Variants in MPP2 observed in about 807,000 individuals in gnomAD.
MPP2 encodes MAGUK p55 subfamily member 2.
A neutral mutation model predicts 58.5 loss-of-function variants in MPP2; 42 were observed. The observed-to-expected ratio is 0.72, with a 90% CI of 0.56 to 0.93. The LOEUF (loss-of-function observed/expected upper bound fraction) is 0.93, where lower values mean the gene tolerates loss of function less well. Among genes scored for constraint, MPP2 ranks in the 40% least tolerant of loss-of-function variants. The pLI, the probability that MPP2 is intolerant of heterozygous loss-of-function variation, is 0.00. For missense variants in MPP2, 632 were observed against 760.4 expected (o/e 0.83, Z 1.99); for synonymous variants, 300 against 307.8 (o/e 0.97, Z 0.26).
intron 3 of MPP2, among the ~76,000 whole-genome samples, chr17:43,884,862 G>A (rs2047300604): frequency 6.6e-6 from 1 of 152,152 alleles, no homozygotes; most frequent in African/African-American, 2.4e-5. Flanking sequence ...GCTCACGCCT[G>A]TAATCCCTGC....
Position 43,880,971 on chromosome 17 carries a change from C to A in MPP2, c.988+119G>T. On this transcript the variant is annotated intron_variant, in intron 9 of 12. Transcript: ENST00000269095. This position sits in a 1 kb window ranked among gnomAD's most constrained non-coding sequence, Gnocchi z 5.2. ...GGGAGCAGGGGGGAGTCGGGCAGGG[C>A]CTAGGGACACGGCTGGCAGCATCTG... 6.6e-7 allele frequency: 1 copy of A among 1,523,826 alleles called. No homozygotes were observed. Among genetic ancestry groups the A allele is most frequent in the Non-Finnish European group, 9.0e-7 (1 of 1,111,224 alleles). 94.4% of individuals were successfully genotyped at this position (1,523,826 alleles called of 1,614,324 possible).
At chr17:43,909,625 G>T (rs1016627373), upstream of MPP2, 10 of 1,466,660 alleles carry the variant, frequency 6.8e-6, no homozygotes, top group Non-Finnish European at 9.0e-6. Context: ...CCCACCTGGG[G>T]AGGTGGAGCC....
chr17:43,884,707 C>T (rs890171647), intron 3 of MPP2, among the ~76,000 whole-genome samples: 4 of 152,198 alleles, frequency 2.6e-5, no homozygotes, highest in African/African-American at 9.7e-5. Context: ...AATCCTTCAC[C>T]AATGGATTTA....
intron 2 of MPP2, among the ~76,000 whole-genome samples, chr17:43,901,722 C>G (rs375233080): frequency 3.1e-4 from 47 of 152,282 alleles, no homozygotes; most frequent in African/African-American, 1.1e-3. Flanking sequence ...GAAGAGGGAG[C>G]AAGGCTGCAG....
chr17:43,875,817 G>C lies in MPP2; in HGVS notation c.*1990C>G, dbSNP rs942083642. The C allele has an allele frequency of 6.6e-6, 1 of 152,194 alleles. No homozygotes were observed. Among genetic ancestry groups the C allele is most frequent in the East Asian group, 1.9e-4 (1 of 5,188 alleles). 9.4% of individuals were successfully genotyped at this position (152,194 alleles called of 1,614,324 possible). ...CAACCCATCTCCATCAGAGATGATG[G>C]TCATTTGGATCAAGGGGGCAGAAGC... On this transcript the variant is annotated 3_prime_UTR_variant, in exon 13 of 13. Transcript: ENST00000269095.
At chr17:43,907,248 A>G (rs902391241) in intron 1 of MPP2, 68 of 985,164 alleles carry the variant, frequency 6.9e-5, no homozygotes, top group Admixed American at 1.2e-4. Flanking sequence ...CCCCTACCGC[A>G]GGGGCGGGGA....
intron 3 of MPP2, among the ~76,000 whole-genome samples, chr17:43,883,913 C>T (rs2047255239): frequency 3.3e-5 from 5 of 152,160 alleles, no homozygotes; most frequent in Admixed American, 3.3e-4. Flanking sequence ...GGCTCCATAC[C>T]AAGGAGCGCT....
chr17:43,905,969 G>T, intron 1 of MPP2: 1 of 424,684 alleles, frequency 2.4e-6, no homozygotes, highest in Non-Finnish European at 3.1e-6. Context: ...CACCCAGGCT[G>T]GAAGAAATGC....
intron 2 of MPP2, chr17:43,900,571 G>A (rs1320771158): frequency 9.7e-6 from 15 of 1,539,332 alleles, no homozygotes; most frequent in Non-Finnish European, 1.3e-5. Flanking sequence ...CCAGACCCGG[G>A]GACTCCCGGA....
intron 2 of MPP2, chr17:43,900,373 C>A: frequency 1.4e-6 from 2 of 1,426,706 alleles, no homozygotes; most frequent in South Asian, 1.3e-5. Context: ...CTCAGATGAC[C>A]TCTCCCAGGC....
At chr17:43,906,309 C>A (rs1353215127) in intron 1 of MPP2, among the ~76,000 whole-genome samples, 1 of 152,220 alleles carries the variant, frequency 6.6e-6, no homozygotes, top group Non-Finnish European at 1.5e-5. Context: ...TCTGAGAGGG[C>A]GGGGCCTGGC....
In MPP2 at chr17:43,881,174, T is replaced by A; in HGVS notation, c.920-16A>T. 6.2e-7 allele frequency: 1 copy of A among 1,613,606 alleles called. No individual in the cohort carries two copies. Among genetic ancestry groups the A allele is most frequent in the Non-Finnish European group, 8.5e-7 (1 of 1,179,860 alleles). ...CATAGGGTCCCTGGCCATAGGGAGA[T>A]GGGTGAGTGAGGCAGACAGGGCCCT... is the stretch of plus-strand genomic sequence containing the variant. On this transcript the variant is annotated splice_polypyrimidine_tract_variant and intron_variant, in intron 8 of 12. Coordinates refer to ENST00000269095, the MANE Select transcript of MPP2 (RefSeq NM_005374.5).
chr17:43,888,889 C>G (rs1479694547), intron 3 of MPP2, among the ~76,000 whole-genome samples: 1 of 152,134 alleles, frequency 6.6e-6, no homozygotes, highest in South Asian at 2.1e-4. Context: ...AACATTTAAT[C>G]ATTCAAATAC....
At position 43,899,540 on chromosome 17, in the gene MPP2, GT is replaced by G. The variant is rs368697205; in HGVS notation, c.32-1161del. Among the ~76,000 whole-genome samples, 27 of 152,300 alleles carry G rather than the reference GT, an allele frequency of 1.8e-4. No individual in the cohort carries two copies. In the East Asian group the frequency reaches 3.1e-3, roughly 17 times the overall value. On this transcript the variant is annotated intron_variant, in intron 2 of 12. Transcript: ENST00000269095. Reference sequence around the variant, plus strand: ...AAATGGATGGATTGGGCTAGATGATGTTTACAGGCCTTCAGCTCTGAGTGAC... The same window carrying G: ...AAATGGATGGATTGGGCTAGATGATGTTACAGGCCTTCAGCTCTGAGTGAC...
intron 3 of MPP2, among the ~76,000 whole-genome samples, chr17:43,896,860 C>G (rs904413148): frequency 6.6e-5 from 10 of 152,048 alleles, no homozygotes; most frequent in African/African-American, 2.4e-4. Flanking sequence ...GCAATTAGGT[C>G]TGATTTCCCA....
In MPP2 at chr17:43,882,925, C is replaced by A. The variant is rs1347496614; in HGVS notation, c.431G>T (p.Arg144Leu). 2 of 1,614,132 alleles carry A rather than the reference C, an allele frequency of 1.2e-6. No individual in the cohort carries two copies. Among genetic ancestry groups the A allele is most frequent in the African/African-American group, 1.3e-5 (1 of 75,070 alleles). Residue 144 changes from arginine (R) to leucine (L), a missense_variant, in exon 5 of 13, where the codon CGC becomes CTC. Arg to Leu is a moderately radical substitution (Grantham distance 102). Coordinates refer to ENST00000269095, the MANE Select transcript of MPP2 (RefSeq NM_005374.5). ...PPDAVRMVGIRKTAGEHLGVT... is the reference protein window; with the variant it reads ...PPDAVRMVGILKTAGEHLGVT... ...CACCAGATGTTCTCCGGCTGTCTTG[C>A]GGATGCCCACCATGCGCACAGCATC...
At chr17:43,900,303 G>A (rs1384059720) in intron 2 of MPP2, among the ~76,000 whole-genome samples, 1 of 152,126 alleles carries the variant, frequency 6.6e-6, no homozygotes, top group Non-Finnish European at 1.5e-5. Flanking sequence ...CGTTATCTAG[G>A]GGAGGACTGA....
chr17:43,898,489 G>GCCCCTCCCTGGCAACATT (rs201790844), intron 2 of MPP2, 109 bp from the exon 3 acceptor site: 26 of 222,812 alleles, frequency 1.2e-4, no homozygotes, highest in Non-Finnish European at 1.9e-4. Context: ...ACAGAAGGCA[G>GCCCCTCCCTGGCAACATT]CCCCTCCCCG....
chr17:43,896,415 A>C (rs2047849494), intron 3 of MPP2, among the ~76,000 whole-genome samples: 2 of 148,086 alleles, frequency 1.4e-5, no homozygotes, highest in Admixed American at 1.3e-4. Flanking sequence ...TTCACCTCCT[A>C]CCTCCCTTCC....
Sources: gnomAD v4.1 joint callset for allele counts (sites outside exome capture counted in the v4.1 genomes callset) on GRCh38, gnomAD v4.1.1 for gene constraint, Gnocchi (gnomAD v3.1) non-coding constraint, MANE v1.5 for transcripts, NCBI Gene and HGNC (gene_info 2026-07-23, HGNC 2026-07-21) for gene names.